FOXP2: variants seen among roughly 807,000 people sequenced by gnomAD.
FOXP2 encodes forkhead box protein P2.
FOXP2 carries 12 observed loss-of-function variants against 115.8 expected under a neutral mutation model. The observed-to-expected ratio is 0.10, with a 90% CI of 0.07 to 0.17. FOXP2 has a LOEUF of 0.17. Among genes scored for constraint, FOXP2 ranks in the 10% least tolerant of loss-of-function variants. FOXP2 has a pLI of 1.00. For synonymous variants in FOXP2, 328 were observed against 297.7 expected, an observed-to-expected ratio of 1.10 and a Z score of -1.05; for missense variants, 629 against 843.5, an observed-to-expected ratio of 0.75 and a Z score of 3.15.
In FOXP2 at chr7:114,541,017, C is replaced by T. The variant is rs1799638192; in HGVS notation, c.258+6311C>T. Among the ~76,000 whole-genome samples the T allele has an allele frequency of 2.0e-5, 3 of 152,058 alleles. No individual in the cohort carries two copies. In the South Asian group the frequency reaches 6.2e-4, roughly 32 times the overall value. On this transcript the variant is annotated intron_variant, in intron 3 of 16. Coordinates refer to ENST00000350908, the MANE Select transcript of FOXP2 (RefSeq NM_014491.4). ...TCAAAGCAGTGGTCTGTGAAGATAG[C>T]AATGGAACATTTGGAGGATATTTTC...
Position 114,382,953 on chromosome 7 carries a change from C to T in FOXP2, c.-10-43549C>T, listed in dbSNP as rs532782116. Among the ~76,000 whole-genome samples the T allele has an allele frequency of 8.5e-5, 13 of 152,254 alleles. No homozygotes were observed. The South Asian group carries it at 2.1e-3, about 24-fold the overall frequency. Reference sequence around the variant, plus strand: ...TAGCACGCAAGTTAGCAAATGTCTGCGGCACCAATCTCCATGTTCTGATTC... The same window carrying T: ...TAGCACGCAAGTTAGCAAATGTCTGTGGCACCAATCTCCATGTTCTGATTC... On this transcript the variant is annotated intron_variant, in intron 2 of 17. Coordinates refer to the FOXP2 transcript ENST00000634411.
At chr7:114,492,692 G>C (rs1797123047) in intron 2 of FOXP2, among the ~76,000 whole-genome samples, 1 of 152,110 alleles carries the variant, frequency 6.6e-6, no homozygotes, top group Non-Finnish European at 1.5e-5. Context: ...TCAGGAGCAG[G>C]TTGTTCAGTT....
At chr7:114,121,541 A>T (rs1411121068) in intron 1 of FOXP2, among the ~76,000 whole-genome samples, 1 of 152,154 alleles carries the variant, frequency 6.6e-6, no homozygotes, top group Admixed American at 6.6e-5. Flanking sequence ...TAAAATTCTA[A>T]TGTAAACTCA....
intron 6 of FOXP2, among the ~76,000 whole-genome samples, chr7:114,635,802 C>T: frequency 6.6e-6 from 1 of 151,946 alleles, no homozygotes; most frequent in East Asian, 1.9e-4. Flanking sequence ...AGCAGTGTGT[C>T]AACTTTGCCA....
At chr7:114,344,267 G>A (rs1434012737) in intron 2 of FOXP2, among the ~76,000 whole-genome samples, 1 of 151,686 alleles carries the variant, frequency 6.6e-6, no homozygotes, top group Admixed American at 6.6e-5. Context: ...TGACAATGAC[G>A]GGGGAAGTGG....
intron 2 of FOXP2, among the ~76,000 whole-genome samples, chr7:114,326,575 G>T (rs1797561759): frequency 6.6e-6 from 1 of 152,116 alleles, no homozygotes; most frequent in Non-Finnish European, 1.5e-5. Flanking sequence ...TGCTTTCATT[G>T]CAAGGGGTAA....
upstream of FOXP2, among the ~76,000 whole-genome samples, chr7:114,411,874 T>G (rs1793170761): frequency 6.6e-6 from 1 of 152,126 alleles, no homozygotes; most frequent in Non-Finnish European, 1.5e-5. Flanking sequence ...ATAACTATTT[T>G]GGGGGAAAAC....
At chr7:114,363,564 C>A (rs1333410652) in intron 2 of FOXP2, among the ~76,000 whole-genome samples, 1 of 151,986 alleles carries the variant, frequency 6.6e-6, no homozygotes, top group Non-Finnish European at 1.5e-5. Flanking sequence ...AAATGACAGA[C>A]AAATATGCAC....
chr7:114,316,448 A>G (rs1208304132), intron 2 of FOXP2, among the ~76,000 whole-genome samples: 2 of 152,224 alleles, frequency 1.3e-5, no homozygotes, highest in East Asian at 3.9e-4. Context: ...TATAGTCCCT[A>G]CTTTCATTGA....
At chr7:114,109,656 A>G (rs1464425663) in intron 1 of FOXP2, among the ~76,000 whole-genome samples, 12 of 152,252 alleles carry the variant, frequency 7.9e-5, no homozygotes, top group Admixed American at 7.2e-4. Context: ...ATGTAAGTCA[A>G]TGTTTCATTC....
chr7:114,292,498 C>A lies in FOXP2; in HGVS notation c.-11+4389C>A, dbSNP rs565182050. Among the ~76,000 whole-genome samples the A allele has an allele frequency of 4.2e-3, 639 of 152,192 alleles. 5 individuals are homozygous for A. Among genetic ancestry groups the A allele is most frequent in the African/African-American group, 0.015 (622 of 41,526 alleles). On this transcript the variant is annotated intron_variant, in intron 2 of 17. Transcript: ENST00000634411. ...GCAAAACCCAAATATCTTACCTTTTCTCTTTACTCTGATATGTATACCTTT... is the reference window on the plus strand; with the variant it reads ...GCAAAACCCAAATATCTTACCTTTTATCTTTACTCTGATATGTATACCTTT...
upstream of FOXP2, among the ~76,000 whole-genome samples, chr7:114,087,572 C>A (rs998743865): frequency 6.7e-6 from 1 of 150,096 alleles, no homozygotes; most frequent in African/African-American, 2.4e-5. Flanking sequence ...GGCAGGCGGG[C>A]GGGCAGAGCG....
At chr7:114,175,065 A>T (rs188020952) in intron 1 of FOXP2, among the ~76,000 whole-genome samples, 1 of 152,262 alleles carries the variant, frequency 6.6e-6, no homozygotes, top group Admixed American at 6.5e-5. Flanking sequence ...TGCTTAAATG[A>T]GGGATAAAAT....
At chr7:114,328,605 A>G (rs1797619350) in intron 2 of FOXP2, among the ~76,000 whole-genome samples, 1 of 152,176 alleles carries the variant, frequency 6.6e-6, no homozygotes, top group South Asian at 2.1e-4. Context: ...CTTATAATGG[A>G]TATTAAAATT....
rs1799055709 is a variant in FOXP2 at position 114,529,867 on chromosome 7, CAG to C, written c.169-4748_169-4747del. Among the ~76,000 whole-genome samples the C allele has an allele frequency of 1.3e-5, 2 of 151,870 alleles. 1 individual carries two copies. The highest frequency in any genetic ancestry group is 1.3e-4 in the Admixed American group (2 of 15,212). ...GAACATAATATGAAGAAAGGCCAAA[CAG>C]AATACGAATTTATATCCTTTCTGGA... On this transcript the variant is annotated intron_variant, in intron 2 of 16. Transcript: ENST00000350908.
At chr7:114,677,081 G>A (rs575467540) in intron 16 of FOXP2, among the ~76,000 whole-genome samples, 89 of 151,264 alleles carry the variant, frequency 5.9e-4, no homozygotes, top group African/African-American at 2.0e-3. Flanking sequence ...CAGGAGAATC[G>A]CTTGAACCCT....
At chr7:114,341,262 A>G (rs1791205865) in intron 2 of FOXP2, among the ~76,000 whole-genome samples, 1 of 151,264 alleles carries the variant, frequency 6.6e-6, no homozygotes, top group Admixed American at 6.6e-5. Context: ...AATGGTATAA[A>G]ATATGCCTAA....
At chr7:114,295,295 G>A (rs1796715251) in intron 2 of FOXP2, among the ~76,000 whole-genome samples, 1 of 151,990 alleles carries the variant, frequency 6.6e-6, no homozygotes, top group Admixed American at 6.6e-5. Flanking sequence ...TTGTGCTTTG[G>A]GAGACATTTT....
Position 114,395,835 on chromosome 7 carries a change from A to G in FOXP2, c.-10-30667A>G, listed in dbSNP as rs529048569. Among the ~76,000 whole-genome samples, 4 of 151,942 alleles carry G rather than the reference A, an allele frequency of 2.6e-5. No individual in the cohort carries two copies. In the East Asian group the frequency reaches 7.8e-4, roughly 29 times the overall value. ...CATTTTTATGACTGAATGGTAATCT[A>G]GTGTGTGGGGGCAGGGGGGGTCACG... On this transcript the variant is annotated intron_variant, in intron 2 of 17. Coordinates refer to the FOXP2 transcript ENST00000634411.
Sources: allele counts gnomAD v4.1 joint callset (sites outside exome capture counted in the v4.1 genomes callset), GRCh38; gene constraint gnomAD v4.1.1; transcripts MANE v1.5; gene names NCBI Gene and HGNC (gene_info 2026-07-23, HGNC 2026-07-21).